NFATC3: variants seen among roughly 807,000 people sequenced by gnomAD.
The protein encoded by NFATC3 is nuclear factor of activated T-cells, cytoplasmic 3.
In NFATC3, 46 loss-of-function variants were observed where a neutral mutation model predicts 98.6. The observed-to-expected ratio is 0.47, with a 90% CI of 0.37 to 0.60. The LOEUF is 0.60. Among genes scored for constraint, NFATC3 ranks in the 20% least tolerant of loss-of-function variants. The pLI, the probability that NFATC3 is intolerant of heterozygous loss-of-function variation, is 0.00. For missense variants in NFATC3, 1,256 were observed against 1,295.5 expected (o/e 0.97, Z 0.47); for synonymous variants, 512 against 472.2 (o/e 1.08, Z -1.09).
At chr16:68,190,203 C>G (rs75916703) in intron 8 of NFATC3, among the ~76,000 whole-genome samples, 1 of 152,036 alleles carries the variant, frequency 6.6e-6, no homozygotes, top group Non-Finnish European at 1.5e-5. Flanking sequence ...TTTTGATCCC[C>G]ACATGATGGC....
chr16:68,194,281 T>G (rs768821555), intron 9 of NFATC3, among the ~76,000 whole-genome samples: 2 of 152,180 alleles, frequency 1.3e-5, no homozygotes, highest in Non-Finnish European at 2.9e-5. Flanking sequence ...TCAAGGTTTT[T>G]CTAATTCCTG....
intron 9 of NFATC3, among the ~76,000 whole-genome samples, chr16:68,211,280 C>T (rs547057290): frequency 2.6e-5 from 4 of 152,150 alleles, no homozygotes; most frequent in African/African-American, 9.6e-5. Flanking sequence ...CTCCACCTCC[C>T]GGGTTCACGC....
intron 3 of NFATC3, among the ~76,000 whole-genome samples, chr16:68,141,518 G>A (rs922407872): frequency 6.6e-6 from 1 of 152,178 alleles, no homozygotes; most frequent in African/African-American, 2.4e-5. Flanking sequence ...GCTGGAGGAA[G>A]GCGGTATCTC....
intron 9 of NFATC3, among the ~76,000 whole-genome samples, chr16:68,220,017 C>A (rs775682959): frequency 6.6e-6 from 1 of 152,142 alleles, no homozygotes; most frequent in African/African-American, 2.4e-5. Flanking sequence ...TTCTTGAATA[C>A]GAACTTTTTC....
In NFATC3 at chr16:68,174,519, G is replaced by T; in HGVS notation, c.1915+5G>T. 3 of 1,585,426 alleles carry T rather than the reference G, an allele frequency of 1.9e-6. No homozygotes were observed. Among genetic ancestry groups the T allele is most frequent in the Non-Finnish European group, 2.6e-6 (3 of 1,167,824 alleles). The stretch of plus-strand genomic sequence containing the variant: ...TTTTTCTTGAAAAAGGACAAGGTAA[G>T]TAATATATGAGTTGATTGACTTCAA... On this transcript the variant is annotated splice_donor_5th_base_variant and intron_variant, in intron 6 of 9. Coordinates refer to ENST00000346183, the MANE Select transcript of NFATC3 (RefSeq NM_173165.3).
intron 9 of NFATC3, chr16:68,209,838 AACAC>A (rs1555524024): frequency 2.8e-6 from 1 of 362,508 alleles, no homozygotes; most frequent in Non-Finnish European, 5.4e-6. Context: ...CCTGCCCCCC[AACAC>A]ACACACAGAC....
intron 1 of NFATC3, among the ~76,000 whole-genome samples, chr16:68,092,481 G>A (rs950523167): frequency 1.3e-5 from 2 of 148,174 alleles, no homozygotes; most frequent in African/African-American, 4.9e-5. Flanking sequence ...TAAATAAAAG[G>A]CTGGGCACGG....
At chr16:68,102,198 C>T (rs891857663) in intron 1 of NFATC3, among the ~76,000 whole-genome samples, 2 of 151,586 alleles carry the variant, frequency 1.3e-5, no homozygotes, top group African/African-American at 4.9e-5. Flanking sequence ...GGTGAAACCC[C>T]GTCTCTACTA....
chr16:68,089,082 G>A, intron 1 of NFATC3: 1 of 985,428 alleles, frequency 1.0e-6, no homozygotes, highest in Non-Finnish European at 1.2e-6. Flanking sequence ...TTATTGATGA[G>A]TTCCATAAAT....
intron 9 of NFATC3, among the ~76,000 whole-genome samples, chr16:68,217,342 G>A (rs2041675260): frequency 6.6e-6 from 1 of 151,748 alleles, no homozygotes; most frequent in Non-Finnish European, 1.5e-5. Context: ...TGAGGCAGGA[G>A]GCTCCCTTGA....
chr16:68,130,266 A>G (rs1256955019), intron 3 of NFATC3, among the ~76,000 whole-genome samples: 6 of 152,108 alleles, frequency 3.9e-5, no homozygotes, highest in Non-Finnish European at 5.9e-5. Flanking sequence ...TCACATTTCC[A>G]TAACAGTGTG....
intron 3 of NFATC3, among the ~76,000 whole-genome samples, chr16:68,127,695 A>G (rs1463973799): frequency 6.6e-6 from 1 of 152,044 alleles, no homozygotes; most frequent in Non-Finnish European, 1.5e-5. Flanking sequence ...CTCAAAAAAA[A>G]AAAAAAAGGA....
intron 1 of NFATC3, among the ~76,000 whole-genome samples, chr16:68,115,469 T>G (rs1476331721): frequency 2.0e-5 from 3 of 151,722 alleles, no homozygotes; most frequent in Non-Finnish European, 4.4e-5. Flanking sequence ...TCACACAGGC[T>G]AGAGTGCAGT....
intron 3 of NFATC3, among the ~76,000 whole-genome samples, chr16:68,155,066 G>C (rs956042148): frequency 4.6e-5 from 7 of 152,106 alleles, no homozygotes; most frequent in African/African-American, 1.7e-4. Context: ...AACTATCCTG[G>C]GTAAAATTGT....
chr16:68,165,866 T>C (rs2039168090), intron 4 of NFATC3, among the ~76,000 whole-genome samples: 1 of 152,250 alleles, frequency 6.6e-6, no homozygotes, highest in African/African-American at 2.4e-5. Context: ...CATAATTAGT[T>C]ATCCATTTGC....
chr16:68,085,720 C>G lies in NFATC3; in HGVS notation c.39C>G (p.Asp13Glu), dbSNP rs1348757994. Residue 13 changes from aspartate (D) to glutamate (E), a missense_variant, in exon 1 of 10, where the codon GAC (aspartate) becomes GAG (glutamate). By Grantham distance (45) the Asp-to-Glu change is conservative. This residue lies in a region of NFATC3 where 464 missense variants were observed against 465.7 expected (regional missense o/e 1.00). Coordinates refer to ENST00000346183, the MANE Select transcript of NFATC3 (RefSeq NM_173165.3). Reference protein sequence around the residue: ...TANCGAHDELDFKLVFGEDGA... With the variant: ...TANCGAHDELEFKLVFGEDGA... Reference sequence around the variant, plus strand: ...ACTGTGGCGCCCACGACGAGCTCGACTTCAAACTCGTCTTTGGCGAGGACG... The same window carrying G: ...ACTGTGGCGCCCACGACGAGCTCGAGTTCAAACTCGTCTTTGGCGAGGACG... The G allele has an allele frequency of 7.9e-6, 12 of 1,514,596 alleles. No individual in the cohort carries two copies. The highest frequency in any genetic ancestry group is 1.1e-5 in the Non-Finnish European group (12 of 1,133,444). 93.8% of individuals were successfully genotyped at this position (1,514,596 alleles called of 1,614,324 possible). A position where few individuals can be genotyped will look rare whatever the true frequency, so the allele number is the denominator to read the frequency against.
chr16:68,104,297 A>G (rs193100676), intron 1 of NFATC3, among the ~76,000 whole-genome samples: 1 of 152,294 alleles, frequency 6.6e-6, no homozygotes, highest in Admixed American at 6.5e-5. Flanking sequence ...GTTACTGTAA[A>G]TAGAATTTTC....
chr16:68,161,271 C>A (rs1043900336), intron 4 of NFATC3, among the ~76,000 whole-genome samples: 2 of 152,058 alleles, frequency 1.3e-5, no homozygotes, highest in African/African-American at 4.8e-5. Context: ...CTGTCTTTTT[C>A]CAAAAACTCA....
At position 68,122,692 on chromosome 16, in the gene NFATC3, C is replaced by G. The variant is rs1367803957; in HGVS notation, c.809C>G (p.Pro270Arg). ...GGACCCTCATCAAGGCCCACATCCC[C>G]CTGTGGGAAACGGAGGCACTCCAGT... ...ASGPSSRPTS[P>R]CGKRRHSSAE... The change falls in exon 2 of 10, where the codon CCC becomes CGC. Residue 270 changes from proline to arginine, a missense_variant. Physicochemically the swap from Pro to Arg is moderately radical, Grantham distance 103 (BLOSUM62 -2). Around this residue, in one of 3 missense-constraint regions of NFATC3, gnomAD observed 464 missense variants for 465.7 expected, o/e 1.00. Transcript: ENST00000346183. The G allele has an allele frequency of 6.2e-6, 10 of 1,614,074 alleles. No homozygotes were observed. Among genetic ancestry groups the G allele is most frequent in the Non-Finnish European group, 8.5e-6 (10 of 1,180,050 alleles).
Sources: gnomAD v4.1 joint callset for allele counts (sites outside exome capture counted in the v4.1 genomes callset) on GRCh38, gnomAD v4.1.1 for gene constraint, gnomAD v4.1.1 regional missense constraint, MANE v1.5 for transcripts, NCBI Gene and HGNC (gene_info 2026-07-23, HGNC 2026-07-21) for gene names.